Variants in ACVR2A observed in about 807,000 individuals in gnomAD.
ACVR2A encodes the protein activin receptor type-2A.
ACVR2A carries 7 observed loss-of-function variants against 61.4 expected under a neutral mutation model. The observed-to-expected ratio is 0.11, with a 90% CI of 0.06 to 0.21. The LOEUF (loss-of-function observed/expected upper bound fraction) is 0.21, where lower values mean the gene tolerates loss of function less well. Among genes scored for constraint, ACVR2A ranks in the 10% least tolerant of loss-of-function variants. The probability of loss-of-function intolerance (pLI) is 1.00; values close to 1 mark genes in which losing one functional copy is unlikely to be tolerated. For missense variants in ACVR2A, 322 were observed against 621.7 expected (o/e 0.52, Z 5.13); for synonymous variants, 193 against 208.3 (o/e 0.93, Z 0.63).
At chr2:147,890,778 A>C (rs1397926326) in intron 1 of ACVR2A, among the ~76,000 whole-genome samples, 1 of 152,178 alleles carries the variant, frequency 6.6e-6, no homozygotes, top group Non-Finnish European at 1.5e-5. Context: ...TGTAAGCTTA[A>C]GAATATAAAA....
At chr2:147,884,061 T>G (rs1686373729) in intron 1 of ACVR2A, among the ~76,000 whole-genome samples, 1 of 152,202 alleles carries the variant, frequency 6.6e-6, no homozygotes, top group Non-Finnish European at 1.5e-5. Context: ...TAGGAACTAT[T>G]GTGTGCATGT....
chr2:147,900,043 C>A (rs1370002102), intron 4 of ACVR2A, 145 bp downstream of exon 4: 1 of 915,034 alleles, frequency 1.1e-6, no homozygotes. Context: ...CTCTAGCTAA[C>A]TTTGCAAACT....
At chr2:147,862,664 A>C (rs906170351) in intron 1 of ACVR2A, among the ~76,000 whole-genome samples, 1 of 151,986 alleles carries the variant, frequency 6.6e-6, no homozygotes, top group Non-Finnish European at 1.5e-5. Context: ...GAATTGCTTG[A>C]ACCCATGAGA....
In ACVR2A at chr2:147,928,680, T is replaced by C. The variant is rs1687567604; in HGVS notation, c.*1406T>C. 6.6e-6 allele frequency: 1 copy of C among 152,310 alleles called. No homozygotes were observed. The highest frequency in any genetic ancestry group is 2.4e-5 in the African/African-American group (1 of 41,398). The allele number at this position is 152,310 out of a possible 1,614,324, so 9.4% of individuals were successfully genotyped here. ...CTTTTACAACTAACACTGATACTAATTTAGGATAGTTCATGCCTTATCCTT... is the reference window on the plus strand; with the variant it reads ...CTTTTACAACTAACACTGATACTAACTTAGGATAGTTCATGCCTTATCCTT... On this transcript the variant is annotated 3_prime_UTR_variant, in exon 11 of 11. Coordinates refer to ENST00000241416, the MANE Select transcript of ACVR2A (RefSeq NM_001616.5).
chr2:147,851,145 T>A (rs1292883527), intron 1 of ACVR2A, among the ~76,000 whole-genome samples: 1 of 152,118 alleles, frequency 6.6e-6, no homozygotes, highest in African/African-American at 2.4e-5. Flanking sequence ...AAAAAATAAA[T>A]CTGAATATGT....
chr2:147,899,383 G>T (rs1390810395), intron 2 of ACVR2A, 75 bp from the exon 3 acceptor site: 7 of 901,958 alleles, frequency 7.8e-6, no homozygotes, highest in Non-Finnish European at 1.1e-5. Flanking sequence ...TTATTTTATT[G>T]CAGAATAAAA....
intron 1 of ACVR2A, among the ~76,000 whole-genome samples, chr2:147,853,741 G>C (rs1206188731): frequency 6.6e-6 from 1 of 152,094 alleles, no homozygotes; most frequent in East Asian, 1.9e-4. Context: ...TATTTATAAA[G>C]CTTAGAGGGA....
intron 2 of ACVR2A, 59 bp from the exon 3 acceptor site, chr2:147,899,397 CTT>C: frequency 9.5e-7 from 1 of 1,048,072 alleles, no homozygotes; most frequent in Non-Finnish European, 1.3e-6. Flanking sequence ...AATAAAAACA[CTT>C]GTTGTAGGGT....
intron 2 of ACVR2A, among the ~76,000 whole-genome samples, chr2:147,897,530 G>A (rs1686768019): frequency 6.6e-6 from 1 of 152,136 alleles, no homozygotes; most frequent in African/African-American, 2.4e-5. Flanking sequence ...GCTGAAGACA[G>A]GCAGAAGCTG....
intron 1 of ACVR2A, among the ~76,000 whole-genome samples, chr2:147,849,421 TTTGTC>T (rs1208228516): frequency 1.3e-5 from 2 of 152,160 alleles, no homozygotes; most frequent in East Asian, 3.8e-4. Flanking sequence ...AGATATTTCT[TTTGTC>T]TAGCTAACTT....
chr2:147,844,982 T>TC, upstream of ACVR2A: 1 of 399,774 alleles, frequency 2.5e-6, no homozygotes, highest in Non-Finnish European at 4.4e-6. Flanking sequence ...TTTCTTTTTT[T>TC]TTTTTAACCC....
chr2:147,918,121 T>A (rs1295982166), intron 6 of ACVR2A, among the ~76,000 whole-genome samples: 2 of 151,808 alleles, frequency 1.3e-5, no homozygotes, highest in Non-Finnish European at 2.9e-5. Context: ...TCAGGATATT[T>A]TAACTTTTAA....
chr2:147,867,908 C>T (rs151066686), intron 1 of ACVR2A, among the ~76,000 whole-genome samples: 177 of 152,278 alleles, frequency 1.2e-3, no homozygotes, highest in Non-Finnish European at 1.6e-3. Context: ...CTCTACACTC[C>T]GCTGATTTTG....
intron 1 of ACVR2A, 69 bp downstream of exon 1, chr2:147,845,276 G>C (rs1376273664): frequency 2.7e-5 from 41 of 1,513,084 alleles, no homozygotes; most frequent in Non-Finnish European, 3.7e-5. Flanking sequence ...GGGGGCCGCG[G>C]CTGGTGTTGA....
At chr2:147,920,484 A>C in intron 8 of ACVR2A, 140 bp downstream of exon 8, 1 of 666,386 alleles carries the variant, frequency 1.5e-6, no homozygotes, top group Non-Finnish European at 2.5e-6. Flanking sequence ...GTTTCTGAGG[A>C]AGACATTTTC....
At chr2:147,867,068 A>C (rs1034399561) in intron 1 of ACVR2A, among the ~76,000 whole-genome samples, 1 of 152,228 alleles carries the variant, frequency 6.6e-6, no homozygotes, top group Non-Finnish European at 1.5e-5. Flanking sequence ...TGGAGACAGT[A>C]TTAAAAAAAT....
chr2:147,914,306 G>C (rs1687195889), intron 4 of ACVR2A, among the ~76,000 whole-genome samples: 1 of 151,932 alleles, frequency 6.6e-6, no homozygotes, highest in African/African-American at 2.4e-5. Flanking sequence ...CCTGCATCTT[G>C]CTTTAGTTGC....
intron 4 of ACVR2A, among the ~76,000 whole-genome samples, chr2:147,903,363 A>C (rs1252214959): frequency 6.6e-6 from 1 of 150,700 alleles, no homozygotes. Flanking sequence ...TCTGTCATTT[A>C]CCAAGTCCTG....
chr2:147,866,254 T>G (rs1051060435), intron 1 of ACVR2A, among the ~76,000 whole-genome samples: 2 of 152,180 alleles, frequency 1.3e-5, no homozygotes, highest in Non-Finnish European at 2.9e-5. Flanking sequence ...TGCGCTGGGT[T>G]TGTCCTTTTC....
Sources: gnomAD v4.1 joint callset for allele counts (sites outside exome capture counted in the v4.1 genomes callset) on GRCh38, gnomAD v4.1.1 for gene constraint, MANE v1.5 for transcripts, NCBI Gene and HGNC (gene_info 2026-07-23, HGNC 2026-07-21) for gene names.